DDX17: variants seen among roughly 807,000 people sequenced by gnomAD.
DDX17 encodes DEAD-box helicase 17.
DDX17 carries 10 observed loss-of-function variants against 80.8 expected under a neutral mutation model. The ratio of observed to expected loss-of-function variants is 0.12; its 90% CI spans 0.08 to 0.21. The LOEUF is 0.21. DDX17 is among the 10% of genes least tolerant of loss of function. DDX17 has a pLI of 1.00. For synonymous variants in DDX17, 339 were observed against 336.2 expected, an observed-to-expected ratio of 1.01 and a Z score of -0.09; for missense variants, 586 against 957.4, an observed-to-expected ratio of 0.61 and a Z score of 5.12.
In DDX17 at chr22:38,484,866, T is replaced by TA. The variant is rs1023003810; in HGVS notation, c.*1068dup. ...TGCAGAGAACAGGGTATGAAGAAAA[T>TA]AAAGAGTTCTTAATAAACCCTTAAG... On this transcript the variant is annotated 3_prime_UTR_variant, in exon 13 of 13. Transcript: ENST00000403230. The TA allele has an allele frequency of 2.0e-4, 30 of 152,160 alleles. No individual in the cohort carries two copies. The highest frequency in any genetic ancestry group is 1.8e-3 in the Admixed American group (28 of 15,286). 9.4% of individuals were successfully genotyped at this position (152,160 alleles called of 1,614,324 possible). A position where few individuals can be genotyped will look rare whatever the true frequency, so the allele number is the denominator to read the frequency against.
intron 3 of DDX17, among the ~76,000 whole-genome samples, chr22:38,498,931 GA>G (rs1483836327): frequency 6.6e-6 from 1 of 152,166 alleles, no homozygotes. Context: ...AGAATCGCAT[GA>G]ACCCAGGAGG....
At chr22:38,500,962 C>A in intron 2 of DDX17, among the ~76,000 whole-genome samples, 168 bp downstream of exon 2, 1 of 130,760 alleles carries the variant, frequency 7.6e-6, no homozygotes, top group East Asian at 2.1e-4. Flanking sequence ...GAAACCCGGT[C>A]TCTACAAAAA....
intron 11 of DDX17, chr22:38,490,329 A>G (rs568184536): frequency 1.6e-6 from 2 of 1,288,950 alleles, no homozygotes; most frequent in African/African-American, 3.0e-5. Context: ...GCCAATCACT[A>G]ATAAGGAGGG....
chr22:38,498,040 A>G, intron 5 of DDX17, 45 bp downstream of exon 5: 1 of 1,576,534 alleles, frequency 6.3e-7, no homozygotes, highest in Non-Finnish European at 8.7e-7. Context: ...TAGTCGCTAA[A>G]TTGTAGTTTT....
At chr22:38,488,603 A>G (rs2089684688) in intron 11 of DDX17, 1 of 988,664 alleles carries the variant, frequency 1.0e-6, no homozygotes. Context: ...AGAGCAAAGT[A>G]AAAAAAGGAG....
chr22:38,485,775 A>C lies in DDX17; in HGVS notation c.*160T>G. The C allele has an allele frequency of 9.0e-7, 1 of 1,116,282 alleles. No homozygotes were observed. The highest frequency in any genetic ancestry group is 1.9e-5 in the South Asian group (1 of 51,758). 69.1% of individuals were successfully genotyped at this position (1,116,282 alleles called of 1,614,324 possible). ...GAAACCTGGCAGTGAATTCTAACTA[A>C]TCTGCATGAAAAGACAAATCACGAT... On this transcript the variant is annotated 3_prime_UTR_variant, in exon 13 of 13. Coordinates refer to ENST00000403230, the MANE Select transcript of DDX17 (RefSeq NM_006386.5).
chr22:38,500,016 TA>T lies in DDX17; in HGVS notation c.439-518del, dbSNP rs543474863. On this transcript the variant is annotated intron_variant, in intron 2 of 12. Coordinates refer to ENST00000403230, the MANE Select transcript of DDX17 (RefSeq NM_006386.5). ...TCCGTCTCTACTGAAAAAAAAAAAA[TA>T]AATAATAAATGAACCAGGCGTGGTG... Among the ~76,000 whole-genome samples, 719 of 147,062 alleles carry T rather than the reference TA, an allele frequency of 4.9e-3. 5 individuals are homozygous for T. Among genetic ancestry groups the T allele is most frequent in the African/African-American group, 0.018 (699 of 39,590 alleles).
At chr22:38,502,319 C>T (rs957050492) in intron 1 of DDX17, among the ~76,000 whole-genome samples, 1 of 150,178 alleles carries the variant, frequency 6.7e-6, no homozygotes, top group Admixed American at 6.7e-5. Context: ...GAGGCTGAGG[C>T]AGGAGAACCG....
Position 38,498,118 on chromosome 22 carries a change from G to A in DDX17, c.705C>T (p.His235=). The A allele has an allele frequency of 1.9e-6, 3 of 1,614,092 alleles. No homozygotes were observed. The highest frequency in any genetic ancestry group is 1.7e-6 in the Non-Finnish European group (2 of 1,180,020). ...CATCTCCCCTTTCCAAGTATGGCTG[G>A]TGGTTAATATGAACAATTGCAGGCA... The change falls in exon 5 of 13, where the codon CAC becomes CAT. Residue 235 remains histidine, a synonymous_variant. Transcript: ENST00000403230.
intron 10 of DDX17, among the ~76,000 whole-genome samples, chr22:38,492,870 G>A (rs983380839): frequency 6.6e-6 from 1 of 152,018 alleles, no homozygotes; most frequent in Non-Finnish European, 1.5e-5. Flanking sequence ...AGGACTGAAA[G>A]GAAATATGCT....
chr22:38,487,651 A>T (rs571461922), intron 12 of DDX17, among the ~76,000 whole-genome samples: 3 of 152,106 alleles, frequency 2.0e-5, no homozygotes, highest in Admixed American at 2.0e-4. Flanking sequence ...CAAACCTCAG[A>T]CCAGTCTCTA....
chr22:38,493,171 A>T (rs1474997882), intron 10 of DDX17, among the ~76,000 whole-genome samples: 2 of 152,138 alleles, frequency 1.3e-5, no homozygotes, highest in Non-Finnish European at 2.9e-5. Context: ...GCAAATAAAT[A>T]TTGTCTGAAC....
chr22:38,499,120 T>C (rs1012143673), intron 3 of DDX17, among the ~76,000 whole-genome samples: 3 of 152,248 alleles, frequency 2.0e-5, no homozygotes, highest in African/African-American at 4.8e-5. Context: ...TAGTCATTTA[T>C]TGTTTAGCAA....
chr22:38,494,837 G>A, intron 7 of DDX17, 35 bp from the exon 8 acceptor site: 1 of 1,613,924 alleles, frequency 6.2e-7, no homozygotes, highest in African/African-American at 1.3e-5. Context: ...TTCAGGCTAA[G>A]GAACTTGGAC....
chr22:38,488,270 A>G (rs1183307248), intron 11 of DDX17, 155 bp from the exon 12 acceptor site: 2 of 1,537,460 alleles, frequency 1.3e-6, no homozygotes, highest in Admixed American at 3.9e-5. Context: ...ACAAAAAAAG[A>G]CTCATCCCAA....
intron 11 of DDX17, 30 bp downstream of exon 11, chr22:38,492,026 C>A: frequency 6.6e-7 from 1 of 1,521,342 alleles, no homozygotes; most frequent in Non-Finnish European, 9.0e-7. Flanking sequence ...GATACATATA[C>A]CATTGACAGA....
chr22:38,502,608 C>T (rs1421816290), intron 1 of DDX17, among the ~76,000 whole-genome samples: 1 of 152,160 alleles, frequency 6.6e-6, no homozygotes, highest in Non-Finnish European at 1.5e-5. Flanking sequence ...ATATACCTTT[C>T]ACAACAGACA....
chr22:38,503,960 A>C (rs553796275), intron 1 of DDX17, among the ~76,000 whole-genome samples: 1 of 152,366 alleles, frequency 6.6e-6, no homozygotes, highest in South Asian at 2.1e-4. Flanking sequence ...TTTTTAAAAA[A>C]TGTCATCTGA....
chr22:38,501,747 T>TACAA (rs2089833067), intron 1 of DDX17, among the ~76,000 whole-genome samples: 1 of 152,246 alleles, frequency 6.6e-6, no homozygotes, highest in South Asian at 2.1e-4. Flanking sequence ...CAGCACTCAG[T>TACAA]ACAAGTTAGC....
Sources: allele counts gnomAD v4.1 joint callset (sites outside exome capture counted in the v4.1 genomes callset), GRCh38; gene constraint gnomAD v4.1.1; transcripts MANE v1.5; gene names NCBI Gene and HGNC (gene_info 2026-07-23, HGNC 2026-07-21).